The following RELN variants were observed in gnomAD, a reference collection of about 807,000 sequenced individuals.
The protein encoded by RELN is reelin.
In RELN, 108 loss-of-function variants were observed where a neutral mutation model predicts 427.6. The ratio of observed to expected loss-of-function variants is 0.25; its 90% CI spans 0.22 to 0.30. The LOEUF (loss-of-function observed/expected upper bound fraction) is 0.30, where lower values mean the gene tolerates loss of function less well. Among genes scored for constraint, RELN ranks in the 10% least tolerant of loss-of-function variants. RELN has a pLI of 1.00. For missense variants in RELN, 3,715 were observed against 4,302.8 expected (o/e 0.86, Z 3.82); for synonymous variants, 1,524 against 1,513.4 (o/e 1.01, Z -0.16).
chr7:103,888,747 C>T (rs73712281), intron 2 of RELN, among the ~76,000 whole-genome samples: 40,185 of 151,874 alleles, frequency 0.26, 5,942 homozygotes, highest in African/African-American at 0.4. Context: ...CACAGGCCTG[C>T]ACCAAAGCAG....
chr7:103,574,057 G>A (rs1830940821), intron 30 of RELN, 35 bp downstream of exon 30: 5 of 1,495,510 alleles, frequency 3.3e-6, no homozygotes, highest in Non-Finnish European at 4.7e-6. Context: ...TAAATAATAT[G>A]TTTGTGAAAA....
intron 11 of RELN, among the ~76,000 whole-genome samples, chr7:103,664,437 G>T (rs1433116849): frequency 6.6e-6 from 1 of 152,184 alleles, no homozygotes; most frequent in Non-Finnish European, 1.5e-5. Context: ...AGCTTTAGGA[G>T]AATTGAGGGC....
At chr7:103,983,480 C>G (rs548814889) in intron 1 of RELN, among the ~76,000 whole-genome samples, 1 of 152,320 alleles carries the variant, frequency 6.6e-6, no homozygotes, top group Admixed American at 6.5e-5. Flanking sequence ...TAAAGCTACA[C>G]AATTCCTGCG....
chr7:103,924,991 TACACACACACACACACACACACACAC>T (rs57662220), intron 1 of RELN, among the ~76,000 whole-genome samples: 11 of 49,100 alleles, frequency 2.2e-4, no homozygotes, highest in Admixed American at 1.2e-3. Context: ...CGCATACACA[TACACACACACACACACACACACACAC>T]ACACACACAC....
intron 52 of RELN, 35 bp from the exon 53 acceptor site, chr7:103,500,957 A>G: frequency 1.2e-6 from 2 of 1,604,206 alleles, no homozygotes; most frequent in Non-Finnish European, 1.7e-6. Context: ...AGTGAAAAAC[A>G]AAAGTTAACT....
chr7:103,505,559 C>T (rs1407734007), intron 51 of RELN, among the ~76,000 whole-genome samples: 7 of 152,132 alleles, frequency 4.6e-5, no homozygotes, highest in African/African-American at 1.7e-4. Context: ...TAGACCCCAT[C>T]CTAAGGTCAC....
chr7:103,780,453 A>C (rs1791860204), intron 3 of RELN, among the ~76,000 whole-genome samples: 1 of 152,194 alleles, frequency 6.6e-6, no homozygotes, highest in African/African-American at 2.4e-5. Context: ...TTACACAGGT[A>C]AACTTGTGTC....
chr7:103,519,247 C>G, intron 49 of RELN, 76 bp downstream of exon 49: 2 of 1,143,204 alleles, frequency 1.7e-6, no homozygotes, highest in Non-Finnish European at 2.7e-6. Context: ...AGGTCCCCCT[C>G]AGTCTCCCGT....
At chr7:103,597,810 G>A (rs988190247) in intron 24 of RELN, among the ~76,000 whole-genome samples, 1 of 152,174 alleles carries the variant, frequency 6.6e-6, no homozygotes, top group Non-Finnish European at 1.5e-5. Flanking sequence ...TCACAGTCCT[G>A]TGGTGAGGTG....
intron 2 of RELN, among the ~76,000 whole-genome samples, chr7:103,869,064 TCA>T (rs1017488650): frequency 1.3e-5 from 2 of 152,076 alleles, no homozygotes; most frequent in African/African-American, 2.4e-5. Context: ...GGGTTTAAGT[TCA>T]ATGCTTTTTA....
rs1828322583 is a variant in RELN at position 103,483,719 on chromosome 7, T to C, written c.10115A>G (p.His3372Arg). The C allele has an allele frequency of 6.2e-7, 1 of 1,614,064 alleles. No individual in the cohort carries two copies. Among genetic ancestry groups the C allele is most frequent in the Admixed American group, 1.7e-5 (1 of 60,004 alleles). ...QYSVNNGITWHVIAQHQPKDF... is the reference protein window; with the variant it reads ...QYSVNNGITWRVIAQHQPKDF... ...CTTTGGCTGGTGCTGGGCGATGACATGCCAGGTGATCCCGTTGTTGACGCT... is the reference window on the plus strand; with the variant it reads ...CTTTGGCTGGTGCTGGGCGATGACACGCCAGGTGATCCCGTTGTTGACGCT... The change falls in exon 62 of 65, where the codon CAT becomes CGT. Residue 3372 changes from histidine to arginine, a missense_variant. His to Arg is a conservative substitution (Grantham distance 29, BLOSUM62 0). Coordinates refer to ENST00000428762, the MANE Select transcript of RELN (RefSeq NM_005045.4).
At chr7:103,489,622 G>C in intron 60 of RELN, 120 bp downstream of exon 60, 5 of 1,157,648 alleles carry the variant, frequency 4.3e-6, no homozygotes, top group Non-Finnish European at 6.3e-6. Context: ...AGTGTGTCAT[G>C]AATCTCAGAT....
intron 8 of RELN, among the ~76,000 whole-genome samples, chr7:103,718,352 TAAAC>T (rs1182597898): frequency 2.2e-5 from 3 of 134,020 alleles, no homozygotes; most frequent in African/African-American, 8.2e-5. Context: ...AAAAAAAAAT[TAAAC>T]ACACGTACAA....
At chr7:103,792,909 C>T (rs931570313) in intron 3 of RELN, among the ~76,000 whole-genome samples, 6 of 152,028 alleles carry the variant, frequency 3.9e-5, no homozygotes, top group Admixed American at 6.5e-5. Context: ...GTTCTGGGGA[C>T]ATCTGTTTTT....
rs374042668 is a variant in RELN at position 103,499,280 on chromosome 7, G to A, written c.8668-1028C>T. 4.6e-5 allele frequency among the ~76,000 whole-genome samples: 7 copies of A among 152,244 alleles called. No homozygotes were observed. The East Asian group carries it at 1.3e-3, about 29-fold the overall frequency. On this transcript the variant is annotated intron_variant, in intron 53 of 64. Coordinates refer to ENST00000428762, the MANE Select transcript of RELN (RefSeq NM_005045.4). ...TTTAACTAAGAATGATTGACAACCA[G>A]AAAATCTATTTTTCAGAGAGTGTAC...
At position 103,626,989 on chromosome 7, in the gene RELN, A is replaced by T. The variant is rs1832342599; in HGVS notation, c.2702+2951T>A. ...GACATACTGGAAAGTGATTTGTAGC[A>T]TACTGACTGTAGTTCTTCTAATGAA... On this transcript the variant is annotated intron_variant, in intron 20 of 64. Transcript: ENST00000428762. The surrounding 1 kb of genome is among the most constrained non-coding windows in gnomAD (Gnocchi z 4.4). 6.6e-6 allele frequency among the ~76,000 whole-genome samples: 1 copy of T among 152,130 alleles called. No individual in the cohort carries two copies. The highest frequency in any genetic ancestry group is 1.5e-5 in the Non-Finnish European group (1 of 67,984).
chr7:103,773,065 C>T (rs984328806), intron 4 of RELN, among the ~76,000 whole-genome samples: 12 of 151,972 alleles, frequency 7.9e-5, no homozygotes, highest in Non-Finnish European at 8.8e-5. Flanking sequence ...GGTGGATCAG[C>T]GAGAATGGGA....
intron 4 of RELN, among the ~76,000 whole-genome samples, chr7:103,771,583 T>A (rs1209151442): frequency 6.6e-6 from 1 of 152,170 alleles, no homozygotes; most frequent in Non-Finnish European, 1.5e-5. Context: ...GGTAGTGCAA[T>A]TGATTATCTT....
In RELN at chr7:103,959,103, T is replaced by G. The variant is rs571581805; in HGVS notation, c.226+30028A>C. 1.8e-4 allele frequency among the ~76,000 whole-genome samples: 27 copies of G among 151,566 alleles called. No individual in the cohort carries two copies. The South Asian group carries it at 5.3e-3, about 30-fold the overall frequency. On this transcript the variant is annotated intron_variant, in intron 1 of 64. Coordinates refer to ENST00000428762, the MANE Select transcript of RELN (RefSeq NM_005045.4). ...GATTACAGGCACCTGCCATCACACC[T>G]GGCTAATTTTCGTATTTTTAGTAGA...
Sources: gnomAD v4.1 joint callset for allele counts (sites outside exome capture counted in the v4.1 genomes callset) on GRCh38, gnomAD v4.1.1 for gene constraint, Gnocchi (gnomAD v3.1) non-coding constraint, MANE v1.5 for transcripts, NCBI Gene and HGNC (gene_info 2026-07-23, HGNC 2026-07-21) for gene names.